WDR72: variants seen among roughly 807,000 people sequenced by gnomAD.
WDR72 encodes the protein WD repeat domain 72, also known as WD repeat-containing protein 72.
A neutral mutation model predicts 124.2 loss-of-function variants in WDR72; 120 were observed. The observed-to-expected ratio is 0.97, with a 90% CI of 0.83 to 1.12. The LOEUF is 1.12. Ranked by LOEUF, WDR72 falls within the 50% of genes most tolerant of loss-of-function variation. The pLI is 0.00. For missense variants in WDR72, 1,387 were observed against 1,278.8 expected (o/e 1.08, Z -1.29); for synonymous variants, 452 against 441.7 (o/e 1.02, Z -0.29).
At chr15:53,541,551 A>G (rs1846092539) in intron 18 of WDR72, among the ~76,000 whole-genome samples, 1 of 151,710 alleles carries the variant, frequency 6.6e-6, no homozygotes, top group Non-Finnish European at 1.5e-5. Context: ...GAAAAAACAG[A>G]ACAGAAAAAC....
rs2017586667 is a variant in WDR72 at position 53,712,848 on chromosome 15, G to C, written c.635C>G (p.Ser212Cys). 1.2e-6 allele frequency: 2 copies of C among 1,613,718 alleles called. No individual in the cohort carries two copies. The highest frequency in any genetic ancestry group is 1.7e-6 in the Non-Finnish European group (2 of 1,179,852). ...VYEKESKFLE[S>C]LNCQTIRFCT... ...AAATCGAATTGTCTGGCAGTTCAAG[G>C]ACTCAAGAAACTTGGATTCTTTTTC... Residue 212 changes from serine to cysteine, a missense_variant, in exon 7 of 20, where the codon TCC becomes TGC. Physicochemically the swap from Ser to Cys is moderately radical, Grantham distance 112. Transcript: ENST00000360509.
Position 53,591,536 on chromosome 15 carries a change from C to T in WDR72, c.3148+5543G>A, listed in dbSNP as rs114125258. Reference sequence around the variant, plus strand: ...AGTAACAAAGAGGAGCTCTGAAATACGCATCAACAATATATGTATGTTTGC... The same window carrying T: ...AGTAACAAAGAGGAGCTCTGAAATATGCATCAACAATATATGTATGTTTGC... On this transcript the variant is annotated intron_variant, in intron 18 of 19. Transcript: ENST00000360509. 5.0e-3 allele frequency among the ~76,000 whole-genome samples: 755 copies of T among 152,050 alleles called. 8 individuals are homozygous for T. Among genetic ancestry groups the T allele is most frequent in the African/African-American group, 0.017 (687 of 41,490 alleles).
chr15:53,677,944 A>G (rs772689686), intron 13 of WDR72, among the ~76,000 whole-genome samples: 1 of 152,206 alleles, frequency 6.6e-6, no homozygotes, highest in Non-Finnish European at 1.5e-5. Flanking sequence ...AGAATAAGTG[A>G]CAGGGTATTA....
At chr15:53,540,095 A>T (rs1445225835) in intron 18 of WDR72, among the ~76,000 whole-genome samples, 1 of 152,224 alleles carries the variant, frequency 6.6e-6, no homozygotes, top group Admixed American at 6.5e-5. Context: ...TCAATGACTA[A>T]TATATGTGTA....
chr15:53,728,736 A>T (rs974546824), intron 2 of WDR72, among the ~76,000 whole-genome samples: 2 of 152,088 alleles, frequency 1.3e-5, no homozygotes, highest in Non-Finnish European at 2.9e-5. Context: ...ATGCCAGAAA[A>T]CCCAAGTAAA....
At chr15:53,616,553 A>G (rs867890839) in intron 14 of WDR72, among the ~76,000 whole-genome samples, 19 of 151,976 alleles carry the variant, frequency 1.3e-4, no homozygotes, top group Non-Finnish European at 2.2e-4. Context: ...TCTTTCTACT[A>G]TTATTGTCAT....
In WDR72 at chr15:53,702,234, C is replaced by T; in HGVS notation, c.1469G>A (p.Cys490Tyr). ...SWMLSGDLDS[C>Y]VILWDIFTEE... ...AGTAAAGATATCCCACAAGATCACA[C>T]ATGAGTCCAGGTCCCCAGACAACAT... Residue 490 changes from cysteine to tyrosine, a missense_variant, in exon 12 of 20, where the codon TGT becomes TAT. Physicochemically the swap from Cys to Tyr is radical, Grantham distance 194. Transcript: ENST00000360509. 1.2e-6 allele frequency: 2 copies of T among 1,614,148 alleles called. No homozygotes were observed. The highest frequency in any genetic ancestry group is 1.7e-6 in the Non-Finnish European group (2 of 1,180,032).
At chr15:53,622,009 TA>T (rs2014013850) in intron 14 of WDR72, among the ~76,000 whole-genome samples, 1 of 151,888 alleles carries the variant, frequency 6.6e-6, no homozygotes, top group Admixed American at 6.6e-5. Flanking sequence ...GTGTGGTCAA[TA>T]AACATATGAA....
At chr15:53,572,573 A>T (rs1332135268) in intron 18 of WDR72, among the ~76,000 whole-genome samples, 2 of 152,206 alleles carry the variant, frequency 1.3e-5, no homozygotes, top group Non-Finnish European at 2.9e-5. Context: ...GAAAGAAAAA[A>T]ATTGATAAAT....
chr15:53,685,963 C>T (rs2016606170), intron 13 of WDR72, among the ~76,000 whole-genome samples: 1 of 144,380 alleles, frequency 6.9e-6, no homozygotes, highest in South Asian at 2.3e-4. Flanking sequence ...CCAAACTAAG[C>T]TTCATAAGTG....
chr15:53,723,564 G>C (rs150006030), intron 2 of WDR72, among the ~76,000 whole-genome samples: 1,734 of 152,264 alleles, frequency 0.011, 35 homozygotes, highest in African/African-American at 0.04. Context: ...AACGGATGCA[G>C]AGATAAATAA....
intron 8 of WDR72, 78 bp from the exon 9 acceptor site, chr15:53,711,031 A>G: frequency 8.1e-7 from 1 of 1,228,272 alleles, no homozygotes; most frequent in South Asian, 1.2e-5. Flanking sequence ...CCACTTTCAA[A>G]AGCCGGATGG....
chr15:53,596,234 T>G (rs1260259082), intron 18 of WDR72, among the ~76,000 whole-genome samples: 1 of 152,172 alleles, frequency 6.6e-6, no homozygotes, highest in East Asian at 1.9e-4. Context: ...AAACACATAT[T>G]TAATCACATG....
rs779146284 is a variant in WDR72 at position 53,665,780 on chromosome 15, G to A, written c.1766-12C>T. ...TCTTTCCAAAGTGCCTGGAAAACAA[G>A]ATTAGAGGTAAAAATGTCAGGAAAA... On this transcript the variant is annotated splice_polypyrimidine_tract_variant and intron_variant, in intron 13 of 19. Transcript: ENST00000360509. 1.9e-6 allele frequency: 3 copies of A among 1,612,806 alleles called. No homozygotes were observed. In the East Asian group the frequency reaches 6.7e-5, roughly 36 times the overall value.
intron 14 of WDR72, among the ~76,000 whole-genome samples, chr15:53,629,425 CA>C (rs2014336976): frequency 6.7e-6 from 1 of 149,434 alleles, no homozygotes; most frequent in Admixed American, 6.6e-5. Flanking sequence ...TTATGACTAT[CA>C]AAGAGAAATC....
chr15:53,548,644 CTTT>C (rs397947951), intron 18 of WDR72, among the ~76,000 whole-genome samples: 5 of 135,270 alleles, frequency 3.7e-5, no homozygotes, highest in Non-Finnish European at 1.6e-5. Flanking sequence ...ATGAACTGTG[CTTT>C]TTTTTTTTTT....
At position 53,648,755 on chromosome 15, in the gene WDR72, T is replaced by TA. The variant is rs201925628; in HGVS notation, c.1962+16816dup. 3.9e-4 allele frequency among the ~76,000 whole-genome samples: 58 copies of TA among 150,524 alleles called. No individual in the cohort carries two copies. In the South Asian group the frequency reaches 8.8e-3, roughly 23 times the overall value. On this transcript the variant is annotated intron_variant, in intron 14 of 19. Coordinates refer to ENST00000360509, the MANE Select transcript of WDR72 (RefSeq NM_182758.4). ...ATCAATACCCAGAGAGTATGCTCAC[T>TA]AAAAAAAAAGTATATAAAATTTATG...
intron 18 of WDR72, among the ~76,000 whole-genome samples, chr15:53,562,024 T>G (rs374954125): frequency 6.6e-6 from 1 of 151,824 alleles, no homozygotes; most frequent in African/African-American, 2.4e-5. Flanking sequence ...CAAGATAACA[T>G]TAATACATTT....
At chr15:53,665,197 G>A (rs931509656) in intron 14 of WDR72, among the ~76,000 whole-genome samples, 2 of 145,680 alleles carry the variant, frequency 1.4e-5, no homozygotes, top group Non-Finnish European at 2.9e-5. Context: ...TAGTTTTTCT[G>A]ATTTTTTTTT....
Sources: allele counts gnomAD v4.1 joint callset (sites outside exome capture counted in the v4.1 genomes callset), GRCh38; gene constraint gnomAD v4.1.1; transcripts MANE v1.5; gene names NCBI Gene and HGNC (gene_info 2026-07-23, HGNC 2026-07-21).